The following AGBL4 variants were observed in gnomAD, a reference collection of about 807,000 sequenced individuals.
AGBL4 encodes cytosolic carboxypeptidase 6.
Under a neutral mutation model 66.4 loss-of-function variants are expected in AGBL4, and 58 were observed. The ratio of observed to expected loss-of-function variants is 0.87; its 90% CI spans 0.71 to 1.09. The LOEUF is 1.09. Among genes scored for constraint, AGBL4 ranks in the 50% least tolerant of loss-of-function variants. The pLI, the probability that AGBL4 is intolerant of heterozygous loss-of-function variation, is 0.00. For synonymous variants in AGBL4, 234 were observed against 222.9 expected (o/e 1.05, Z -0.44); for missense variants, 579 against 631.0 (o/e 0.92, Z 0.88).
intron 1 of AGBL4, among the ~76,000 whole-genome samples, chr1:50,018,708 A>G (rs1462074029): frequency 6.6e-6 from 1 of 152,106 alleles, no homozygotes; most frequent in Non-Finnish European, 1.5e-5. Context: ...GCAAATTACA[A>G]CATTCACGGA....
At chr1:49,486,266 A>T (rs554233865) in intron 3 of AGBL4, among the ~76,000 whole-genome samples, 21 of 152,208 alleles carry the variant, frequency 1.4e-4, no homozygotes, top group African/African-American at 5.1e-4. Flanking sequence ...CCTATTTTCC[A>T]AAGGTAATCT....
chr1:49,335,508 C>G (rs866836966), intron 3 of AGBL4, among the ~76,000 whole-genome samples: 16 of 152,044 alleles, frequency 1.1e-4, no homozygotes, highest in African/African-American at 3.6e-4. Flanking sequence ...AGAATAAAAT[C>G]TGAACTTTTT....
chr1:49,693,857 T>A (rs1022882683), intron 3 of AGBL4, among the ~76,000 whole-genome samples: 8 of 152,108 alleles, frequency 5.3e-5, no homozygotes, highest in Non-Finnish European at 8.8e-5. Context: ...ATTAATACAT[T>A]TCCACTAAGA....
intron 5 of AGBL4, among the ~76,000 whole-genome samples, chr1:48,916,071 T>C (rs1653557393): frequency 6.6e-6 from 1 of 152,142 alleles, no homozygotes; most frequent in Non-Finnish European, 1.5e-5. Flanking sequence ...CATAAGTTCT[T>C]CCACAACAGG....
chr1:49,749,949 A>G (rs922191857), intron 2 of AGBL4, among the ~76,000 whole-genome samples: 3 of 152,204 alleles, frequency 2.0e-5, no homozygotes, highest in African/African-American at 7.2e-5. Flanking sequence ...GGTATTTCAA[A>G]ATGACAGACC....
At chr1:49,746,454 C>G (rs1035108672) in intron 2 of AGBL4, among the ~76,000 whole-genome samples, 2 of 152,178 alleles carry the variant, frequency 1.3e-5, no homozygotes, top group East Asian at 3.9e-4. Flanking sequence ...CCAAAAACTA[C>G]ACTTATTGTA....
chr1:49,383,379 A>G (rs1424822595), intron 3 of AGBL4, among the ~76,000 whole-genome samples: 1 of 152,206 alleles, frequency 6.6e-6, no homozygotes, highest in East Asian at 1.9e-4. Context: ...AAAGCCTGAC[A>G]CTTTCTGAAT....
chr1:49,597,097 C>T lies in AGBL4; in HGVS notation c.282+100216G>A, dbSNP rs193289067. On this transcript the variant is annotated intron_variant, in intron 3 of 13. Coordinates refer to ENST00000371839, the MANE Select transcript of AGBL4 (RefSeq NM_032785.4). ...AAATTACTACAATGAACACCTAATT[C>T]CCTTAGAGCCAAGATGTGCACGCCA... is the stretch of plus-strand genomic sequence containing the variant. 3.0e-3 allele frequency among the ~76,000 whole-genome samples: 453 copies of T among 152,258 alleles called. 3 individuals are homozygous for T. Among genetic ancestry groups the T allele is most frequent in the African/African-American group, 0.011 (438 of 41,540 alleles).
At chr1:48,739,193 A>G (rs538982866) in intron 6 of AGBL4, among the ~76,000 whole-genome samples, 1 of 152,306 alleles carries the variant, frequency 6.6e-6, no homozygotes, top group Non-Finnish European at 1.5e-5. Flanking sequence ...AACCAGGAAA[A>G]CAGCCACCGA....
At chr1:49,357,677 C>G (rs546667506) in intron 3 of AGBL4, among the ~76,000 whole-genome samples, 1 of 152,276 alleles carries the variant, frequency 6.6e-6, no homozygotes, top group Admixed American at 6.5e-5. Context: ...GGAATTTGCA[C>G]TGAGGTCACA....
intron 9 of AGBL4, among the ~76,000 whole-genome samples, chr1:48,598,078 C>A (rs546457441): frequency 6.6e-6 from 1 of 152,202 alleles, no homozygotes; most frequent in African/African-American, 2.4e-5. Context: ...CAGATTGTGA[C>A]AAACACTGGA....
chr1:49,885,026 C>T (rs1405577985), intron 1 of AGBL4, among the ~76,000 whole-genome samples: 1 of 151,860 alleles, frequency 6.6e-6, no homozygotes, highest in Non-Finnish European at 1.5e-5. Context: ...CGATTTGTTT[C>T]ATTTTTACAT....
chr1:49,537,559 A>T (rs889015764), intron 3 of AGBL4, among the ~76,000 whole-genome samples: 1 of 152,228 alleles, frequency 6.6e-6, no homozygotes, highest in Non-Finnish European at 1.5e-5. Context: ...AATGTTCAAC[A>T]TCACTAATCA....
At chr1:48,717,358 T>G (rs1179751715) in intron 6 of AGBL4, among the ~76,000 whole-genome samples, 1 of 152,260 alleles carries the variant, frequency 6.6e-6, no homozygotes, top group Non-Finnish European at 1.5e-5. Context: ...TTTGCACATT[T>G]AAAATTTTAC....
intron 1 of AGBL4, among the ~76,000 whole-genome samples, chr1:50,022,699 G>C (rs1030619536): frequency 6.6e-6 from 1 of 150,432 alleles, no homozygotes; most frequent in African/African-American, 2.4e-5. Context: ...CTCTTGTAAT[G>C]ATAATACCTG....
chr1:48,872,987 C>T (rs1157012743), intron 5 of AGBL4, among the ~76,000 whole-genome samples: 1 of 152,178 alleles, frequency 6.6e-6, no homozygotes, highest in Non-Finnish European at 1.5e-5. Context: ...CAGGCTGAGC[C>T]TTTGGGCTTC....
chr1:49,937,617 G>C (rs931558124), intron 1 of AGBL4, among the ~76,000 whole-genome samples: 2 of 152,078 alleles, frequency 1.3e-5, no homozygotes, highest in Non-Finnish European at 2.9e-5. Flanking sequence ...AAATGTAAAA[G>C]AACAGAAATT....
At chr1:49,644,386 C>A (rs1645843699) in intron 3 of AGBL4, among the ~76,000 whole-genome samples, 1 of 151,422 alleles carries the variant, frequency 6.6e-6, no homozygotes, top group Non-Finnish European at 1.5e-5. Flanking sequence ...AAGTAAGATT[C>A]AACTAGGTAC....
At chr1:49,050,414 A>G (rs752478476) in intron 4 of AGBL4, among the ~76,000 whole-genome samples, 18 of 152,072 alleles carry the variant, frequency 1.2e-4, no homozygotes, top group Non-Finnish European at 2.1e-4. Flanking sequence ...GGTAGTACAT[A>G]TTGTTCATCT....
Sources: gnomAD v4.1 joint callset for allele counts (sites outside exome capture counted in the v4.1 genomes callset) on GRCh38, gnomAD v4.1.1 for gene constraint, MANE v1.5 for transcripts, NCBI Gene and HGNC (gene_info 2026-07-23, HGNC 2026-07-21) for gene names.